The following SAMD12 variants were observed in gnomAD, a reference collection of about 807,000 sequenced individuals.
The protein encoded by SAMD12 is sterile alpha motif domain-containing protein 12.
In SAMD12, 9 loss-of-function variants were observed where a neutral mutation model predicts 15.0. That is an observed-to-expected ratio of 0.60 (90% CI 0.36 to 1.05). The LOEUF (loss-of-function observed/expected upper bound fraction) is 1.05, where lower values mean the gene tolerates loss of function less well. SAMD12 is among the 50% of genes least tolerant of loss of function. The probability of loss-of-function intolerance (pLI) is 0.01; values close to 1 mark genes in which losing one functional copy is unlikely to be tolerated. For missense variants in SAMD12, 230 were observed against 234.2 expected (o/e 0.98, Z 0.12); for synonymous variants, 86 against 90.1 (o/e 0.96, Z 0.25).
At chr8:118,225,588 G>C (rs1160710631) in intron 4 of SAMD12, among the ~76,000 whole-genome samples, 1 of 152,144 alleles carries the variant, frequency 6.6e-6, no homozygotes, top group African/African-American at 2.4e-5. Flanking sequence ...CCTTTCTGGA[G>C]CTTAGCGTTC....
chr8:118,356,512 A>G (rs1818232600), intron 4 of SAMD12, among the ~76,000 whole-genome samples: 1 of 152,182 alleles, frequency 6.6e-6, no homozygotes, highest in South Asian at 2.1e-4. Flanking sequence ...AAGCACCCAC[A>G]GGATACTTTG....
intron 4 of SAMD12, among the ~76,000 whole-genome samples, chr8:118,250,352 T>C (rs935992117): frequency 2.6e-5 from 4 of 152,072 alleles, no homozygotes; most frequent in African/African-American, 9.7e-5. Flanking sequence ...GATGTAAGAA[T>C]GAAATAGAAT....
rs540764832 is a variant in SAMD12, at chr8:118,501,435, T to A, written c.193-61474A>T. ...AACATCATACTGTATACCACATATATATACAAATTTTGTCAACTAAAAAAT... is the reference window on the plus strand; with the variant it reads ...AACATCATACTGTATACCACATATAAATACAAATTTTGTCAACTAAAAAAT... On this transcript the variant is annotated intron_variant, in intron 2 of 3. Coordinates refer to ENST00000314727, the MANE Select transcript of SAMD12 (RefSeq NM_207506.3). 1.5e-4 allele frequency among the ~76,000 whole-genome samples: 23 copies of A among 152,346 alleles called. No individual in the cohort carries two copies. The South Asian group carries it at 4.8e-3, about 32-fold the overall frequency.
chr8:118,243,058 C>A (rs1199166755), intron 4 of SAMD12, among the ~76,000 whole-genome samples: 1 of 152,022 alleles, frequency 6.6e-6, no homozygotes, highest in East Asian at 1.9e-4. Context: ...TATGAGGCAA[C>A]CCACATGTAT....
chr8:118,514,609 T>C (rs1825178825), intron 2 of SAMD12, among the ~76,000 whole-genome samples: 1 of 152,230 alleles, frequency 6.6e-6, no homozygotes, highest in Non-Finnish European at 1.5e-5. Context: ...CATTATGCTC[T>C]TCGCACATGA....
chr8:118,543,618 T>TTTTCTTTCTTTC (rs1440589184), intron 2 of SAMD12, among the ~76,000 whole-genome samples: 20 of 139,158 alleles, frequency 1.4e-4, no homozygotes, highest in Non-Finnish European at 3.0e-4. Context: ...TTTTTTCTTT[T>TTTTCTTTCTTTC]CTTTCTTTCT....
the SAMD12 span, among the ~76,000 whole-genome samples, chr8:118,176,694 C>T: frequency 6.6e-6 from 1 of 152,076 alleles, no homozygotes; most frequent in African/African-American, 2.4e-5. Flanking sequence ...ACTACCCATC[C>T]TATTGGGTAT....
intron 4 of SAMD12, among the ~76,000 whole-genome samples, chr8:118,340,862 G>C (rs1586562474): frequency 6.6e-6 from 1 of 152,304 alleles, no homozygotes; most frequent in African/African-American, 2.4e-5. Flanking sequence ...ATAGGAGCCA[G>C]GATGTAAAAC....
intron 2 of SAMD12, among the ~76,000 whole-genome samples, chr8:118,482,206 A>C (rs1322767773): frequency 6.6e-6 from 1 of 152,244 alleles, no homozygotes; most frequent in African/African-American, 2.4e-5. Flanking sequence ...CACTTAATGC[A>C]GCAGGTCAGA....
the SAMD12 span, among the ~76,000 whole-genome samples, chr8:118,165,381 G>A: frequency 2.0e-5 from 3 of 151,708 alleles, no homozygotes; most frequent in African/African-American, 7.3e-5. Flanking sequence ...ATGTCCTCTT[G>A]GGGCAAGCCA....
chr8:118,582,640 AG>A (rs1827325269), intron 1 of SAMD12, among the ~76,000 whole-genome samples: 1 of 152,170 alleles, frequency 6.6e-6, no homozygotes, highest in Non-Finnish European at 1.5e-5. Flanking sequence ...AAAAACTCTG[AG>A]ACATAACTAT....
chr8:118,569,604 G>A (rs1586825938), intron 2 of SAMD12, among the ~76,000 whole-genome samples: 1 of 152,086 alleles, frequency 6.6e-6, no homozygotes, highest in Non-Finnish European at 1.5e-5. Flanking sequence ...TTTAGATGAT[G>A]TCAATGAGGG....
intron 3 of SAMD12, among the ~76,000 whole-genome samples, chr8:118,422,235 T>C (rs551463288): frequency 9.8e-5 from 15 of 152,322 alleles, no homozygotes; most frequent in African/African-American, 3.6e-4. Flanking sequence ...CAGCTAGAGA[T>C]AGTAAGATAA....
chr8:118,391,654 T>C (rs1820282310), intron 3 of SAMD12, among the ~76,000 whole-genome samples: 1 of 152,236 alleles, frequency 6.6e-6, no homozygotes, highest in Admixed American at 6.5e-5. Flanking sequence ...TTAAGTCTAC[T>C]TTGACATTCT....
At chr8:118,377,871 T>A (rs1258461121), downstream of SAMD12, 1 of 152,208 alleles carries the variant, frequency 6.6e-6, no homozygotes, top group East Asian at 1.9e-4. Flanking sequence ...TGGGCAGCTA[T>A]GCTTGTGGTT....
rs185741480 is a variant in SAMD12 at position 118,356,165 on chromosome 8, G to A, written c.433+23395C>T. Among the ~76,000 whole-genome samples the A allele has an allele frequency of 2.0e-5, 3 of 152,266 alleles. No homozygotes were observed. In the East Asian group the frequency reaches 5.8e-4, roughly 29 times the overall value. On this transcript the variant is annotated intron_variant, in intron 4 of 4. Transcript: ENST00000409003. The stretch of plus-strand genomic sequence containing the variant: ...GCAACTCTCTGAGCTAGGTATATGT[G>A]CTCCCATTTTACTTAAAAGAAAACT...
chr8:118,289,946 A>G (rs1447460119), intron 4 of SAMD12, among the ~76,000 whole-genome samples: 1 of 152,194 alleles, frequency 6.6e-6, no homozygotes, highest in Non-Finnish European at 1.5e-5. Flanking sequence ...GCAAATTTAC[A>G]AAATTATTCA....
At chr8:118,282,062 C>G in intron 4 of SAMD12, 1 of 329,236 alleles carries the variant, frequency 3.0e-6, no homozygotes, top group South Asian at 2.4e-5. Context: ...CCAAGTGGAG[C>G]TGAATGACAC....
intron 1 of SAMD12, among the ~76,000 whole-genome samples, chr8:118,581,432 AAAG>A (rs1483707753): frequency 6.6e-6 from 1 of 152,182 alleles, no homozygotes; most frequent in African/African-American, 2.4e-5. Flanking sequence ...TGTTACCTTC[AAAG>A]AACTCACAAT....
Sources: gnomAD v4.1 joint callset for allele counts (sites outside exome capture counted in the v4.1 genomes callset) on GRCh38, gnomAD v4.1.1 for gene constraint, MANE v1.5 for transcripts, NCBI Gene and HGNC (gene_info 2026-07-23, HGNC 2026-07-21) for gene names.